Variants in ERBB4 observed in about 807,000 individuals in gnomAD.
ERBB4 encodes erb-b2 receptor tyrosine kinase 4.
Under a neutral mutation model 158.0 loss-of-function variants are expected in ERBB4, and 42 were observed. The observed-to-expected ratio is 0.27, with a 90% confidence interval of 0.21 to 0.34. ERBB4 has a LOEUF of 0.34. ERBB4 is among the 10% of genes least tolerant of loss of function. ERBB4 has a pLI of 1.00. For synonymous variants in ERBB4, 583 were observed against 558.7 expected, an observed-to-expected ratio of 1.04 and a Z score of -0.61; for missense variants, 1,333 against 1,624.1, an observed-to-expected ratio of 0.82 and a Z score of 3.08.
At chr2:212,514,204 C>T (rs933302705) in intron 1 of ERBB4, among the ~76,000 whole-genome samples, 1 of 151,678 alleles carries the variant, frequency 6.6e-6, no homozygotes, top group African/African-American at 2.4e-5. Context: ...AGCTTTGCTG[C>T]ACTGTGATAA....
intron 20 of ERBB4, among the ~76,000 whole-genome samples, chr2:211,540,734 T>A (rs937369922): frequency 9.1e-6 from 1 of 109,940 alleles, no homozygotes; most frequent in Admixed American, 1.0e-4. Flanking sequence ...ACTAGAGAAA[T>A]ATTTTTTTTT....
rs1215411713 is a variant in ERBB4, at chr2:212,000,596, ATAAAG to A, written c.235-52985_235-52981del. On this transcript the variant is annotated intron_variant, in intron 2 of 27. Transcript: ENST00000342788. ...TATGAATTAGGAGCCTATAAGAAAA[ATAAAG>A]TAAATATTACAAGGAAATTTAGCTA... 2.0e-5 allele frequency among the ~76,000 whole-genome samples: 3 copies of A among 151,930 alleles called. No homozygotes were observed. In the East Asian group the frequency reaches 5.8e-4, roughly 29 times the overall value.
intron 16 of ERBB4, among the ~76,000 whole-genome samples, chr2:211,644,020 A>G (rs2070696750): frequency 6.6e-6 from 1 of 152,052 alleles, no homozygotes; most frequent in Non-Finnish European, 1.5e-5. Context: ...TTAATTTGGC[A>G]AAACAAGAAC....
chr2:211,635,940 C>T (rs1283631279), intron 16 of ERBB4, among the ~76,000 whole-genome samples: 1 of 151,938 alleles, frequency 6.6e-6, no homozygotes, highest in Non-Finnish European at 1.5e-5. Flanking sequence ...TGATGGTATA[C>T]TTGCAATTCA....
intron 22 of ERBB4, among the ~76,000 whole-genome samples, chr2:211,425,575 CAAGTT>C (rs1024284721): frequency 2.5e-4 from 38 of 151,806 alleles, no homozygotes; most frequent in African/African-American, 5.3e-4. Context: ...CAGGCTGCAA[CAAGTT>C]AAGTGGATGA....
intron 13 of ERBB4, among the ~76,000 whole-genome samples, chr2:211,678,099 A>C (rs1405030993): frequency 2.0e-5 from 3 of 152,054 alleles, no homozygotes; most frequent in African/African-American, 7.2e-5. Context: ...TAATGTTATT[A>C]TTGAAATACC....
chr2:212,446,617 A>G (rs1222714742), intron 1 of ERBB4, among the ~76,000 whole-genome samples: 1 of 58,260 alleles, frequency 1.7e-5, no homozygotes, highest in South Asian at 6.0e-4. Context: ...ATATATATAT[A>G]TATATATATA....
In ERBB4 at chr2:211,949,238, A is replaced by G. The variant is rs572745681; in HGVS notation, c.235-1622T>C. 9.1e-4 allele frequency among the ~76,000 whole-genome samples: 139 copies of G among 152,274 alleles called. 1 individual carries two copies. Among genetic ancestry groups the G allele is most frequent in the African/African-American group, 3.3e-3 (137 of 41,558 alleles). On this transcript the variant is annotated intron_variant, in intron 2 of 27. Coordinates refer to ENST00000342788, the MANE Select transcript of ERBB4 (RefSeq NM_005235.3). Reference sequence around the variant, plus strand: ...CTATGGTGTATTCTCAATTCAGGCTAGCCAAGATATTTTAAAGACATAAAT... The same window carrying G: ...CTATGGTGTATTCTCAATTCAGGCTGGCCAAGATATTTTAAAGACATAAAT...
chr2:211,682,050 T>TCACACACACACACACACA (rs60803024), intron 12 of ERBB4, among the ~76,000 whole-genome samples: 1 of 134,400 alleles, frequency 7.4e-6, no homozygotes, highest in African/African-American at 2.9e-5. Flanking sequence ...TTTATACACA[T>TCACACACACACACACACA]CACACACACA....
intron 1 of ERBB4, among the ~76,000 whole-genome samples, chr2:212,374,059 CATATATATCCAT>C (rs1381048216): frequency 6.9e-5 from 6 of 86,952 alleles, no homozygotes; most frequent in Admixed American, 5.4e-4. Flanking sequence ...TATATATATC[CATATATATCCAT>C]ATATATATCC....
chr2:211,753,675 A>G (rs1169039208), intron 4 of ERBB4, among the ~76,000 whole-genome samples: 1 of 151,470 alleles, frequency 6.6e-6, no homozygotes, highest in Non-Finnish European at 1.5e-5. Flanking sequence ...ATCTAAAAGG[A>G]GATCACCCTA....
intron 17 of ERBB4, among the ~76,000 whole-genome samples, chr2:211,629,803 T>C (rs1415203983): frequency 6.6e-6 from 1 of 152,088 alleles, no homozygotes; most frequent in East Asian, 1.9e-4. Flanking sequence ...GGGAAAGGAT[T>C]CCCTATTTAA....
chr2:211,432,552 T>A (rs143847592), intron 20 of ERBB4, among the ~76,000 whole-genome samples: 27 of 151,352 alleles, frequency 1.8e-4, no homozygotes, highest in African/African-American at 6.6e-4. Flanking sequence ...AATTAGAAAT[T>A]CCTATAATAA....
At chr2:212,359,099 A>T (rs1161366834) in intron 1 of ERBB4, among the ~76,000 whole-genome samples, 4 of 151,754 alleles carry the variant, frequency 2.6e-5, no homozygotes, top group African/African-American at 9.7e-5. Context: ...ATAATTTCAC[A>T]ACAGATATTG....
At chr2:211,493,589 A>C (rs1204626329) in intron 20 of ERBB4, among the ~76,000 whole-genome samples, 1 of 151,348 alleles carries the variant, frequency 6.6e-6, no homozygotes, top group Non-Finnish European at 1.5e-5. Context: ...AAAAAAAAAC[A>C]CCTTTGCATA....
chr2:212,496,277 CTGG>C (rs1690563754), intron 1 of ERBB4, among the ~76,000 whole-genome samples: 1 of 146,228 alleles, frequency 6.8e-6, no homozygotes, highest in Admixed American at 6.7e-5. Flanking sequence ...GTTGATTGAC[CTGG>C]TAAAAAAAAA....
chr2:211,520,426 T>G (rs1042913611), intron 20 of ERBB4, among the ~76,000 whole-genome samples: 1 of 152,102 alleles, frequency 6.6e-6, no homozygotes, highest in African/African-American at 2.4e-5. Flanking sequence ...ATATAGTCCT[T>G]AGGCCAAATC....
intron 3 of ERBB4, among the ~76,000 whole-genome samples, chr2:211,848,263 T>C (rs1447897320): frequency 6.6e-6 from 1 of 152,114 alleles, no homozygotes; most frequent in Non-Finnish European, 1.5e-5. Flanking sequence ...TTGTGTCATC[T>C]GTGGGATAGG....
chr2:212,275,189 T>C (rs2085483927), intron 1 of ERBB4, among the ~76,000 whole-genome samples: 1 of 152,006 alleles, frequency 6.6e-6, no homozygotes, highest in South Asian at 2.1e-4. Context: ...GTATTTGGAT[T>C]GGTTCCAAGT....
Sources: gnomAD v4.1 joint callset for allele counts (sites outside exome capture counted in the v4.1 genomes callset) on GRCh38, gnomAD v4.1.1 for gene constraint, MANE v1.5 for transcripts, NCBI Gene and HGNC (gene_info 2026-07-23, HGNC 2026-07-21) for gene names.